The following MAGI2 variants were observed in gnomAD, a reference collection of about 807,000 sequenced individuals.
The protein encoded by MAGI2 is membrane associated guanylate kinase, WW and PDZ domain containing 2.
In MAGI2, 35 loss-of-function variants were observed where a neutral mutation model predicts 133.3. The observed-to-expected ratio is 0.26, with a 90% CI of 0.20 to 0.35. The LOEUF is 0.35. Among genes scored for constraint, MAGI2 ranks in the 10% least tolerant of loss-of-function variants. The probability of loss-of-function intolerance (pLI) is 1.00; values close to 1 mark genes in which losing one functional copy is unlikely to be tolerated. For synonymous variants in MAGI2, 729 were observed against 710.6 expected (o/e 1.03, Z -0.41); for missense variants, 1,636 against 1,863.4 (o/e 0.88, Z 2.25).
chr7:79,057,404 A>G (rs1488441322), intron 1 of MAGI2, among the ~76,000 whole-genome samples: 2 of 152,226 alleles, frequency 1.3e-5, no homozygotes, highest in Non-Finnish European at 2.9e-5. Flanking sequence ...AAGGTTAAAA[A>G]AATCTAGATT....
In MAGI2 at chr7:78,771,704, T is replaced by C. The variant is rs575545930; in HGVS notation, c.419-144465A>G. 3.3e-5 allele frequency among the ~76,000 whole-genome samples: 5 copies of C among 152,262 alleles called. No homozygotes were observed. The East Asian group carries it at 9.7e-4, about 29-fold the overall frequency. On this transcript the variant is annotated intron_variant, in intron 2 of 21. Coordinates refer to ENST00000354212, the MANE Select transcript of MAGI2 (RefSeq NM_012301.4). The stretch of plus-strand genomic sequence containing the variant: ...ACTTACACACTTTTTCAAATTGGTC[T>C]TTTCTTTGACATCCATTTAAACTTA...
At chr7:79,367,352 T>A (rs1044157615) in intron 1 of MAGI2, among the ~76,000 whole-genome samples, 1 of 152,202 alleles carries the variant, frequency 6.6e-6, no homozygotes, top group African/African-American at 2.4e-5. Context: ...TCTTAATGCA[T>A]CATTGATGTT....
intron 2 of MAGI2, among the ~76,000 whole-genome samples, chr7:78,761,432 C>T (rs1824496275): frequency 6.6e-6 from 1 of 151,568 alleles, no homozygotes; most frequent in African/African-American, 2.4e-5. Context: ...AGAATTGAAC[C>T]ATCTGGGGGT....
chr7:78,108,699 CACATATGTGAGTGT>C (rs1818968754), intron 20 of MAGI2, among the ~76,000 whole-genome samples: 6 of 121,628 alleles, frequency 4.9e-5, no homozygotes, highest in Non-Finnish European at 1.2e-4. Context: ...TGTATACACA[CACATATGTGAGTGT>C]ATATATGTGT....
intron 1 of MAGI2, among the ~76,000 whole-genome samples, chr7:79,289,070 T>A (rs1038991505): frequency 1.3e-5 from 2 of 152,166 alleles, no homozygotes; most frequent in Admixed American, 6.6e-5. Flanking sequence ...GAGAGCCTAG[T>A]GCACTGTTTC....
chr7:78,265,819 G>A (rs542535213), intron 9 of MAGI2, among the ~76,000 whole-genome samples: 32 of 152,222 alleles, frequency 2.1e-4, no homozygotes, highest in Non-Finnish European at 3.5e-4. Flanking sequence ...CGTTTTTGCA[G>A]AAATGGCTCC....
intron 16 of MAGI2, among the ~76,000 whole-genome samples, chr7:78,152,026 A>G (rs1823926909): frequency 6.6e-6 from 1 of 152,174 alleles, no homozygotes; most frequent in Non-Finnish European, 1.5e-5. Context: ...GCAACTCACA[A>G]CTTTTGTGGG....
At chr7:78,863,266 A>G (rs1481842711) in intron 2 of MAGI2, among the ~76,000 whole-genome samples, 5 of 152,238 alleles carry the variant, frequency 3.3e-5, no homozygotes, top group African/African-American at 1.2e-4. Context: ...GTGTTGCTAT[A>G]AAGGAATACC....
At chr7:78,309,459 T>C (rs976473118) in intron 9 of MAGI2, among the ~76,000 whole-genome samples, 5 of 152,170 alleles carry the variant, frequency 3.3e-5, no homozygotes, top group African/African-American at 9.6e-5. Context: ...ATACCGTATG[T>C]TCTCACTTAT....
At chr7:79,011,667 G>T (rs1808108794) in intron 1 of MAGI2, among the ~76,000 whole-genome samples, 1 of 152,126 alleles carries the variant, frequency 6.6e-6, no homozygotes, top group African/African-American at 2.4e-5. Flanking sequence ...ACCAGGGTTT[G>T]GCTCATTTTG....
intron 2 of MAGI2, among the ~76,000 whole-genome samples, chr7:78,987,460 T>C (rs1368117899): frequency 6.6e-6 from 1 of 152,060 alleles, no homozygotes; most frequent in East Asian, 1.9e-4. Flanking sequence ...AATAATTATC[T>C]TACTTTGAAG....
intron 2 of MAGI2, among the ~76,000 whole-genome samples, chr7:78,934,393 C>T (rs916755977): frequency 3.9e-5 from 6 of 152,120 alleles, no homozygotes; most frequent in Non-Finnish European, 7.4e-5. Flanking sequence ...CCTGAGCTAC[C>T]GTGCCCGGCC....
chr7:78,922,456 C>T (rs1027787123), intron 2 of MAGI2, among the ~76,000 whole-genome samples: 14 of 149,850 alleles, frequency 9.3e-5, no homozygotes, highest in African/African-American at 3.2e-4. Flanking sequence ...GGTTTTTTGT[C>T]CTTGCGATAG....
intron 2 of MAGI2, among the ~76,000 whole-genome samples, chr7:78,726,708 G>T (rs1820847605): frequency 6.6e-6 from 1 of 151,982 alleles, no homozygotes; most frequent in African/African-American, 2.4e-5. Context: ...AATTGATGTG[G>T]TATAATATGC....
intron 2 of MAGI2, among the ~76,000 whole-genome samples, chr7:78,950,969 C>CTTT (rs761908445): frequency 1.8e-4 from 23 of 125,644 alleles, no homozygotes; most frequent in Non-Finnish European, 2.5e-4. Flanking sequence ...CTAACGTTAG[C>CTTT]TTTTTTTTTT....
At chr7:78,650,738 GCTGA>G (rs925040669) in intron 2 of MAGI2, among the ~76,000 whole-genome samples, 3 of 152,074 alleles carry the variant, frequency 2.0e-5, no homozygotes, top group Non-Finnish European at 2.9e-5. Context: ...AAGTATTTCT[GCTGA>G]CTATTAATCA....
intron 2 of MAGI2, among the ~76,000 whole-genome samples, chr7:78,790,959 T>C (rs1471686502): frequency 6.6e-6 from 1 of 152,206 alleles, no homozygotes; most frequent in Non-Finnish European, 1.5e-5. Flanking sequence ...AATTCCTAGA[T>C]GTCTGACTCC....
chr7:79,199,985 A>C (rs1273386241), intron 1 of MAGI2, among the ~76,000 whole-genome samples: 1 of 151,940 alleles, frequency 6.6e-6, no homozygotes, highest in Non-Finnish European at 1.5e-5. Flanking sequence ...TACACAATTA[A>C]CAACTCTTGT....
chr7:78,932,179 G>C (rs974275960), intron 2 of MAGI2, among the ~76,000 whole-genome samples: 1 of 152,110 alleles, frequency 6.6e-6, no homozygotes, highest in Non-Finnish European at 1.5e-5. Flanking sequence ...CCAATGTCAA[G>C]TTTCCCACAA....
Sources: gnomAD v4.1 joint callset for allele counts (sites outside exome capture counted in the v4.1 genomes callset) on GRCh38, gnomAD v4.1.1 for gene constraint, MANE v1.5 for transcripts, NCBI Gene and HGNC (gene_info 2026-07-23, HGNC 2026-07-21) for gene names.